AFG2A: variants seen among roughly 807,000 people sequenced by gnomAD.
The protein encoded by AFG2A is AAA ATPase AFG2A.
At chr4:123,097,486 G>A in the AFG2A span, among the ~76,000 whole-genome samples, 1 of 152,052 alleles carries the variant, frequency 6.6e-6, no homozygotes, top group Non-Finnish European at 1.5e-5. Flanking sequence ...TCAAAATGAT[G>A]TGAATAGTCT....
the AFG2A span, among the ~76,000 whole-genome samples, chr4:122,926,701 A>C: frequency 6.6e-6 from 1 of 152,208 alleles, no homozygotes; most frequent in Admixed American, 6.5e-5. Flanking sequence ...GTTTACAATA[A>C]ATTTTATAAT....
chr4:123,125,338 A>G, the AFG2A span, among the ~76,000 whole-genome samples: 2 of 152,160 alleles, frequency 1.3e-5, no homozygotes, highest in Non-Finnish European at 2.9e-5. Context: ...AATTAAGACC[A>G]TTTGCCATGA....
At chr4:123,067,291 G>A in the AFG2A span, among the ~76,000 whole-genome samples, 2 of 152,034 alleles carry the variant, frequency 1.3e-5, no homozygotes, top group African/African-American at 2.4e-5. Context: ...GGCTGAGGCG[G>A]GCGGATCACG....
At chr4:122,955,934 A>G in the AFG2A span, among the ~76,000 whole-genome samples, 1 of 152,202 alleles carries the variant, frequency 6.6e-6, no homozygotes, top group East Asian at 1.9e-4. Context: ...CAAAAAGCAG[A>G]AGTATCAGTA....
At chr4:123,044,641 CA>C in the AFG2A span, among the ~76,000 whole-genome samples, 1 of 152,094 alleles carries the variant, frequency 6.6e-6, no homozygotes, top group Admixed American at 6.6e-5. Context: ...TATTTTGGTG[CA>C]AAAATAACTG....
chr4:123,026,747 T>C, the AFG2A span, among the ~76,000 whole-genome samples: 1 of 152,224 alleles, frequency 6.6e-6, no homozygotes, highest in Admixed American at 6.5e-5. Context: ...GGTCTATACA[T>C]ACTTGTAAAG....
At chr4:123,114,967 C>T in the AFG2A span, among the ~76,000 whole-genome samples, 41 of 152,322 alleles carry the variant, frequency 2.7e-4, no homozygotes, top group South Asian at 6.0e-3. Flanking sequence ...GCAATGGCGG[C>T]TCCGAACTTA....
the AFG2A span, among the ~76,000 whole-genome samples, chr4:123,290,400 A>C: frequency 2.0e-5 from 3 of 152,128 alleles, no homozygotes; most frequent in Non-Finnish European, 2.9e-5. Context: ...GTCCAATTTC[A>C]TTCTCCTGTG....
the AFG2A span, chr4:122,947,338 G>A: frequency 9.9e-6 from 16 of 1,613,934 alleles, no homozygotes; most frequent in Non-Finnish European, 1.4e-5. Context: ...GATTGAGATT[G>A]GAGTTCCCAA....
chr4:123,220,984 T>C, the AFG2A span, among the ~76,000 whole-genome samples: 241 of 152,298 alleles, frequency 1.6e-3, no homozygotes, highest in Middle Eastern at 6.8e-3. Context: ...AACTATGTAG[T>C]ATCCTATGTA....
At chr4:123,217,381 A>C in the AFG2A span, among the ~76,000 whole-genome samples, 1 of 152,226 alleles carries the variant, frequency 6.6e-6, no homozygotes, top group African/African-American at 2.4e-5. Flanking sequence ...TGATGATCTA[A>C]AGGAGTATTT....
chr4:123,293,683 G>A, the AFG2A span, among the ~76,000 whole-genome samples: 3 of 152,142 alleles, frequency 2.0e-5, no homozygotes, highest in East Asian at 5.8e-4. Flanking sequence ...AAGAGGGAAG[G>A]GACACTATGC....
chr4:123,301,381 C>T, the AFG2A span, among the ~76,000 whole-genome samples: 2 of 151,884 alleles, frequency 1.3e-5, no homozygotes, highest in East Asian at 3.9e-4. Flanking sequence ...GGCTTATAAA[C>T]AACATAAGTA....
At chr4:123,095,030 C>CAAAAAAAAAAAA in the AFG2A span, among the ~76,000 whole-genome samples, 1 of 35,316 alleles carries the variant, frequency 2.8e-5, no homozygotes, top group Admixed American at 3.9e-4. Flanking sequence ...TCCCTCCCCA[C>CAAAAAAAAAAAA]AAAAAAAAAA....
At chr4:123,071,704 A>T in the AFG2A span, among the ~76,000 whole-genome samples, 1 of 152,050 alleles carries the variant, frequency 6.6e-6, no homozygotes, top group Non-Finnish European at 1.5e-5. Context: ...ATAATAGCTG[A>T]CAAAGGTAAC....
the AFG2A span, among the ~76,000 whole-genome samples, chr4:123,098,892 T>C: frequency 6.6e-6 from 1 of 152,042 alleles, no homozygotes; most frequent in African/African-American, 2.4e-5. Flanking sequence ...ATAGTGGAAT[T>C]GCTGGATCAT....
chr4:123,281,209 G>T, the AFG2A span, among the ~76,000 whole-genome samples: 1 of 152,098 alleles, frequency 6.6e-6, no homozygotes, highest in South Asian at 2.1e-4. Context: ...GTAGGAATCG[G>T]ATGTTTTTCA....
chr4:122,991,125 A>G, the AFG2A span, among the ~76,000 whole-genome samples: 1 of 152,236 alleles, frequency 6.6e-6, no homozygotes, highest in Non-Finnish European at 1.5e-5. Flanking sequence ...AATGCAATAA[A>G]TGACCACAAG....
At chr4:123,026,105 ATGTGTG>A in the AFG2A span, among the ~76,000 whole-genome samples, 15,615 of 149,116 alleles carry the variant, frequency 0.1, 905 homozygotes, top group Middle Eastern at 0.21. Context: ...GTGTATGTGT[ATGTGTG>A]TGTGTGTGTG....
Sources: gnomAD v4.1 joint callset for allele counts (sites outside exome capture counted in the v4.1 genomes callset) on GRCh38, gnomAD v4.1.1 for gene constraint, MANE v1.5 for transcripts, NCBI Gene and HGNC (gene_info 2026-07-23, HGNC 2026-07-21) for gene names.